The following CNTNAP3B variants were observed in gnomAD, a reference collection of about 807,000 sequenced individuals.
CNTNAP3B encodes contactin-associated protein-like 3B.
Under a neutral mutation model 108.9 loss-of-function variants are expected in CNTNAP3B, and 25 were observed. The ratio of observed to expected loss-of-function variants is 0.23; its 90% CI spans 0.17 to 0.32. CNTNAP3B has a LOEUF of 0.32. CNTNAP3B is among the 10% of genes least tolerant of loss of function. The pLI, the probability that CNTNAP3B is intolerant of heterozygous loss-of-function variation, is 1.00. For missense variants in CNTNAP3B, 252 were observed against 1,210.4 expected (o/e 0.21, Z 11.75); for synonymous variants, 103 against 473.4 (o/e 0.22, Z 10.16).
At chr9:42,014,113 C>T (rs1826180758) in intron 3 of CNTNAP3B, among the ~76,000 whole-genome samples, 1 of 46,660 alleles carries the variant, frequency 2.1e-5, no homozygotes, top group Non-Finnish European at 4.6e-5. Flanking sequence ...TCCATGTTAT[C>T]AGGCTGAATC....
At position 41,893,857 on chromosome 9, in the gene CNTNAP3B, AC is replaced by A; in HGVS notation, c.*131del. The A allele has an allele frequency of 1.1e-5, 1 of 88,080 alleles. No individual in the cohort carries two copies. The highest frequency in any genetic ancestry group is 2.0e-5 in the Non-Finnish European group (1 of 50,734). 5.5% of individuals were successfully genotyped at this position (88,080 alleles called of 1,614,324 possible). ...TGACAGCACTGCACCTGCTGTGTGCACCCTGATGGCAACAGCAGGGAAGTCC... is the reference window on the plus strand; with the variant it reads ...TGACAGCACTGCACCTGCTGTGTGCACCTGATGGCAACAGCAGGGAAGTCC... On this transcript the variant is annotated 3_prime_UTR_variant, in exon 24 of 24. Coordinates refer to ENST00000377561, the MANE Select transcript of CNTNAP3B (RefSeq NM_001201380.3).
At chr9:41,937,098 A>ATTTATT (rs1824180586) in intron 14 of CNTNAP3B, among the ~76,000 whole-genome samples, 44 of 141,028 alleles carry the variant, frequency 3.1e-4, no homozygotes, top group Middle Eastern at 3.8e-3. Context: ...TGACCATTAC[A>ATTTATT]TTTTTTATTT....
intron 14 of CNTNAP3B, among the ~76,000 whole-genome samples, chr9:41,935,802 C>T (rs1824139409): frequency 6.6e-6 from 1 of 152,276 alleles, no homozygotes; most frequent in South Asian, 2.1e-4. Flanking sequence ...TTTTTAAAAC[C>T]TGCTTCTCTC....
chr9:41,924,450 T>G (rs1476757935), intron 15 of CNTNAP3B, among the ~76,000 whole-genome samples: 1 of 152,298 alleles, frequency 6.6e-6, no homozygotes, highest in Non-Finnish European at 1.5e-5. Flanking sequence ...AGAAGAAGGG[T>G]GGAGTCTGAG....
intron 15 of CNTNAP3B, among the ~76,000 whole-genome samples, chr9:41,924,644 T>TGCGTGCGC (rs1482014228): frequency 7.3e-5 from 7 of 95,612 alleles, no homozygotes; most frequent in East Asian, 2.6e-4. Context: ...CTTTCCTTCC[T>TGCGTGCGC]GCACACACAC....
intron 1 of CNTNAP3B, among the ~76,000 whole-genome samples, chr9:42,107,771 C>T (rs1485120365): frequency 5.9e-5 from 8 of 136,540 alleles, no homozygotes; most frequent in East Asian, 4.5e-4. Context: ...GTCAGGAGAT[C>T]GAGACCATCC....
At chr9:41,957,890 A>T (rs1167725437) in intron 12 of CNTNAP3B, among the ~76,000 whole-genome samples, 1 of 152,128 alleles carries the variant, frequency 6.6e-6, no homozygotes, top group African/African-American at 2.4e-5. Flanking sequence ...CCTCCCGAGT[A>T]GCTGGGACTA....
chr9:41,966,782 A>T (rs1825291822), intron 10 of CNTNAP3B, among the ~76,000 whole-genome samples: 1 of 151,650 alleles, frequency 6.6e-6, no homozygotes, highest in Non-Finnish European at 1.5e-5. Context: ...CCTGGCTAAC[A>T]CGGTGAAACC....
chr9:42,054,996 T>A (rs1473882426), intron 3 of CNTNAP3B, among the ~76,000 whole-genome samples: 5 of 143,088 alleles, frequency 3.5e-5, no homozygotes, highest in African/African-American at 1.4e-4. Flanking sequence ...CACTCTCACA[T>A]CAAGATAAGG....
chr9:42,114,983 G>A lies in CNTNAP3B; in HGVS notation c.86-10244C>T, dbSNP rs1347573834. Among the ~76,000 whole-genome samples, 4 of 137,020 alleles carry A rather than the reference G, an allele frequency of 2.9e-5. 1 individual carries two copies. Among genetic ancestry groups the A allele is most frequent in the Non-Finnish European group, 6.2e-5 (4 of 64,386 alleles). The allele number at this position is 137,020 out of a possible 152,430, so 89.9% of individuals were successfully genotyped here. On this transcript the variant is annotated intron_variant, in intron 1 of 23. Transcript: ENST00000377561. The stretch of plus-strand genomic sequence containing the variant: ...GCAGGAGAATCACTGGAACCCGGGA[G>A]GTGGAGGTTGCAGTGAGCCAAGATT...
intron 13 of CNTNAP3B, 98 bp from the exon 14 acceptor site, chr9:41,938,498 GAGAGGC>G (rs1824227580): frequency 6.5e-7 from 1 of 1,536,316 alleles, no homozygotes; most frequent in South Asian, 1.2e-5. Context: ...GTGTATGTGT[GAGAGGC>G]AGAGAGAGAG....
intron 18 of CNTNAP3B, among the ~76,000 whole-genome samples, chr9:41,915,454 T>TTGG (rs1823491297): frequency 8.9e-6 from 1 of 112,944 alleles, no homozygotes; most frequent in African/African-American, 3.8e-5. Flanking sequence ...CTATTGAAAT[T>TTGG]TGGATGCCTT....
Position 42,054,166 on chromosome 9 carries a change from C to A in CNTNAP3B, c.390+22703G>T, listed in dbSNP as rs1482913635. ...TGTAGCTTGTTGCAGCACTTCTGTG[C>A]GTGTGTGTGTGTGTTTGCACACACT... On this transcript the variant is annotated intron_variant, in intron 3 of 23. Coordinates refer to ENST00000377561, the MANE Select transcript of CNTNAP3B (RefSeq NM_001201380.3). Among the ~76,000 whole-genome samples the A allele has an allele frequency of 2.2e-5, 2 of 91,370 alleles. 1 individual carries two copies. Among genetic ancestry groups the A allele is most frequent in the Non-Finnish European group, 4.6e-5 (2 of 43,282 alleles). 59.9% of individuals were successfully genotyped at this position (91,370 alleles called of 152,430 possible).
intron 4 of CNTNAP3B, among the ~76,000 whole-genome samples, chr9:42,012,893 CCAAGTGAAGAT>C (rs1367472368): frequency 2.1e-5 from 2 of 95,652 alleles, no homozygotes; most frequent in Non-Finnish European, 4.4e-5. Flanking sequence ...CAGGTTCCCA[CCAAGTGAAGAT>C]CAAGTGAAGC....
intron 1 of CNTNAP3B, among the ~76,000 whole-genome samples, chr9:42,110,218 C>A (rs557364617): frequency 7.6e-6 from 1 of 131,314 alleles, no homozygotes; most frequent in Non-Finnish European, 1.6e-5. Context: ...ACTGAAAATA[C>A]GTTTAACATC....
intron 15 of CNTNAP3B, among the ~76,000 whole-genome samples, chr9:41,925,029 A>T (rs1310455176): frequency 1.3e-5 from 2 of 151,840 alleles, no homozygotes; most frequent in Admixed American, 6.6e-5. Context: ...TGATAAGCCC[A>T]TCACTGGTCC....
chr9:41,967,779 G>A (rs1199429655), intron 10 of CNTNAP3B, among the ~76,000 whole-genome samples: 15 of 152,256 alleles, frequency 9.9e-5, no homozygotes, highest in Admixed American at 6.5e-4. Context: ...AGTCTTCTAC[G>A]TTACTGACTT....
intron 2 of CNTNAP3B, among the ~76,000 whole-genome samples, chr9:42,098,777 C>T (rs1481671423): frequency 7.7e-6 from 1 of 129,298 alleles, no homozygotes; most frequent in Admixed American, 7.8e-5. Flanking sequence ...GCACAGATGG[C>T]TATTTTTTCT....
chr9:41,924,911 T>A (rs1823771906), intron 15 of CNTNAP3B, among the ~76,000 whole-genome samples: 3 of 152,246 alleles, frequency 2.0e-5, no homozygotes, highest in Admixed American at 2.0e-4. Context: ...TCAACTTGGA[T>A]TTGTCTGACA....
Sources: allele counts gnomAD v4.1 joint callset (sites outside exome capture counted in the v4.1 genomes callset), GRCh38; gene constraint gnomAD v4.1.1; transcripts MANE v1.5; gene names NCBI Gene and HGNC (gene_info 2026-07-23, HGNC 2026-07-21).